Variants in TMEM131L observed in about 807,000 individuals in gnomAD.
TMEM131L encodes transmembrane protein 131-like.
A neutral mutation model predicts 192.2 loss-of-function variants in TMEM131L; 54 were observed. The ratio of observed to expected loss-of-function variants is 0.28; its 90% CI spans 0.23 to 0.35. The LOEUF is 0.35. TMEM131L is among the 10% of genes least tolerant of loss of function. The pLI, the probability that TMEM131L is intolerant of heterozygous loss-of-function variation, is 1.00. For synonymous variants in TMEM131L, 701 were observed against 704.9 expected (o/e 0.99, Z 0.09); for missense variants, 1,888 against 1,972.9 (o/e 0.96, Z 0.82).
intron 26 of TMEM131L, among the ~76,000 whole-genome samples, chr4:153,613,222 C>G (rs766192997): frequency 2.0e-5 from 3 of 152,088 alleles, no homozygotes; most frequent in Non-Finnish European, 4.4e-5. Flanking sequence ...CAAATAAACA[C>G]GCAGATGGAA....
chr4:153,557,408 G>A (rs544533175), intron 6 of TMEM131L, among the ~76,000 whole-genome samples: 9 of 152,248 alleles, frequency 5.9e-5, no homozygotes, highest in East Asian at 5.8e-4. Flanking sequence ...CCTCACGGGC[G>A]TTCAGAAGGA....
Position 153,549,397 on chromosome 4 carries a change from T to A in TMEM131L, c.240-676T>A, listed in dbSNP as rs1333394029. Among the ~76,000 whole-genome samples, 6 of 152,382 alleles carry A rather than the reference T, an allele frequency of 3.9e-5. No homozygotes were observed. The East Asian group carries it at 9.6e-4, about 24-fold the overall frequency. On this transcript the variant is annotated intron_variant, in intron 3 of 34. Coordinates refer to ENST00000409959, the MANE Select transcript of TMEM131L (RefSeq NM_001131007.2). ...AAAATGTCATATGGAAGTTGATGGT[T>A]TTTCATACTCATATGTGTATTTTGT...
chr4:153,600,584 T>C (rs886677047), intron 21 of TMEM131L, among the ~76,000 whole-genome samples: 2 of 152,218 alleles, frequency 1.3e-5, no homozygotes, highest in African/African-American at 4.8e-5. Context: ...AGCAACTTCC[T>C]CAGGAACTGA....
chr4:153,604,321 G>A lies in TMEM131L; in HGVS notation c.3309G>A (p.Arg1103=), dbSNP rs906492445. 6.2e-7 allele frequency: 1 copy of A among 1,613,934 alleles called. No homozygotes were observed. The highest frequency in any genetic ancestry group is 1.3e-5 in the African/African-American group (1 of 74,876). Reference sequence around the variant, plus strand: ...AGAACACAGCCGAGTTCAAGGAACGGGAGCTCTGTCCACTGAAGACCTCCA... The same window carrying A: ...AGAACACAGCCGAGTTCAAGGAACGAGAGCTCTGTCCACTGAAGACCTCCA... The part of the protein sequence containing the change: ...TSENTAEFKE[R]ELCPLKTSKK... The change falls in exon 25 of 35, where the codon CGG becomes CGA. Residue 1103 remains arginine (R), a synonymous_variant. Coordinates refer to ENST00000409959, the MANE Select transcript of TMEM131L (RefSeq NM_001131007.2).
chr4:153,576,944 A>G (rs2150687715), intron 7 of TMEM131L, among the ~76,000 whole-genome samples: 2 of 152,298 alleles, frequency 1.3e-5, no homozygotes, highest in South Asian at 4.1e-4. Context: ...AGTGATAGGC[A>G]TTGTGCATTC....
intron 3 of TMEM131L, among the ~76,000 whole-genome samples, chr4:153,518,226 A>G (rs1308245794): frequency 1.3e-5 from 2 of 152,176 alleles, no homozygotes; most frequent in Non-Finnish European, 1.5e-5. Flanking sequence ...CATGCTGTGC[A>G]CTGTGATTGT....
chr4:153,583,348 C>G, intron 10 of TMEM131L, 100 bp downstream of exon 10: 1 of 801,408 alleles, frequency 1.2e-6, no homozygotes. Flanking sequence ...GAAGCACTAT[C>G]TTTATTCTTT....
intron 2 of TMEM131L, among the ~76,000 whole-genome samples, chr4:153,472,598 TAGAC>T (rs925785356): frequency 5.3e-5 from 8 of 152,064 alleles, no homozygotes; most frequent in South Asian, 2.1e-4. Context: ...AGCAGAGAGA[TAGAC>T]AGTAAACAAG....
intron 32 of TMEM131L, chr4:153,633,400 T>C (rs1734356337): frequency 6.6e-6 from 1 of 150,712 alleles, no homozygotes; most frequent in Non-Finnish European, 1.5e-5. Flanking sequence ...ATTTTTTTTT[T>C]TTTTTTTTTG....
Position 153,552,780 on chromosome 4 carries a change from G to A in TMEM131L, c.308+2639G>A, listed in dbSNP as rs932843215. On this transcript the variant is annotated intron_variant, in intron 4 of 34. Transcript: ENST00000409959. The stretch of plus-strand genomic sequence containing the variant: ...GTCCAGGAGTTCAAGGTTACTGTGA[G>A]CTATGATCATGCCACTGCACTCCAG... Among the ~76,000 whole-genome samples, 4 of 152,118 alleles carry A rather than the reference G, an allele frequency of 2.6e-5. No homozygotes were observed. In the East Asian group the frequency reaches 7.7e-4, roughly 29 times the overall value.
chr4:153,549,507 G>A (rs2150399424), intron 3 of TMEM131L, among the ~76,000 whole-genome samples: 1 of 152,180 alleles, frequency 6.6e-6, no homozygotes, highest in East Asian at 1.9e-4. Flanking sequence ...GTTTTGATAT[G>A]TTTTTCTGCT....
intron 7 of TMEM131L, among the ~76,000 whole-genome samples, chr4:153,573,471 C>A (rs936721010): frequency 6.6e-6 from 1 of 152,244 alleles, no homozygotes; most frequent in South Asian, 2.1e-4. Flanking sequence ...ACAGAGCCAA[C>A]ATACGCTGCC....
intron 7 of TMEM131L, among the ~76,000 whole-genome samples, chr4:153,578,728 T>C (rs1485917495): frequency 6.6e-6 from 1 of 151,786 alleles, no homozygotes; most frequent in Non-Finnish European, 1.5e-5. Context: ...CACCATGTTA[T>C]CCAGGATGGT....
chr4:153,519,536 T>G (rs1226081095), intron 3 of TMEM131L, among the ~76,000 whole-genome samples: 1 of 152,236 alleles, frequency 6.6e-6, no homozygotes, highest in Non-Finnish European at 1.5e-5. Flanking sequence ...CTTACCTGTC[T>G]GACTCTATTT....
chr4:153,484,032 G>A (rs933574420), intron 3 of TMEM131L, among the ~76,000 whole-genome samples: 3 of 152,166 alleles, frequency 2.0e-5, no homozygotes, highest in African/African-American at 7.2e-5. Context: ...GCAGAGCTTG[G>A]AGTTTCCAGG....
intron 3 of TMEM131L, among the ~76,000 whole-genome samples, chr4:153,528,804 C>T (rs1407519141): frequency 6.6e-6 from 1 of 152,136 alleles, no homozygotes; most frequent in Non-Finnish European, 1.5e-5. Context: ...CCAACCCCTC[C>T]CTCGGAGAGT....
chr4:153,628,374 T>C (rs536486777), intron 31 of TMEM131L, among the ~76,000 whole-genome samples: 1 of 152,376 alleles, frequency 6.6e-6, no homozygotes, highest in African/African-American at 2.4e-5. Flanking sequence ...GTCTTTTGTT[T>C]TCTGTTTGAT....
chr4:153,621,470 GCTT>G (rs1733404868), intron 27 of TMEM131L, among the ~76,000 whole-genome samples: 1 of 152,114 alleles, frequency 6.6e-6, no homozygotes, highest in African/African-American at 2.4e-5. Flanking sequence ...TGGAAACCTT[GCTT>G]CTTTGAGACA....
At chr4:153,622,467 G>A (rs1733500454) in intron 28 of TMEM131L, among the ~76,000 whole-genome samples, 1 of 152,196 alleles carries the variant, frequency 6.6e-6, no homozygotes, top group Non-Finnish European at 1.5e-5. Context: ...CTTGACACGT[G>A]TGTGTTGCTT....
Sources: gnomAD v4.1 joint callset for allele counts (sites outside exome capture counted in the v4.1 genomes callset) on GRCh38, gnomAD v4.1.1 for gene constraint, MANE v1.5 for transcripts, NCBI Gene and HGNC (gene_info 2026-07-23, HGNC 2026-07-21) for gene names.